Variants in NBEA observed in about 807,000 individuals in gnomAD.
NBEA encodes lysosomal-trafficking regulator 2.
A neutral mutation model predicts 343.4 loss-of-function variants in NBEA; 44 were observed. The observed-to-expected ratio is 0.13, with a 90% CI of 0.10 to 0.16. The LOEUF (loss-of-function observed/expected upper bound fraction) is 0.16. Among genes scored for constraint, NBEA ranks in the 10% least tolerant of loss-of-function variants. The probability of loss-of-function intolerance (pLI) is 1.00; values close to 1 mark genes in which losing one functional copy is unlikely to be tolerated. For missense variants in NBEA, 2,555 were observed against 3,631.3 expected, an observed-to-expected ratio of 0.70 and a Z score of 7.62; for synonymous variants, 1,175 against 1,238.7, an observed-to-expected ratio of 0.95 and a Z score of 1.08.
At chr13:35,577,903 C>T (rs2080823189) in intron 45 of NBEA, among the ~76,000 whole-genome samples, 1 of 151,928 alleles carries the variant, frequency 6.6e-6, no homozygotes, top group South Asian at 2.1e-4. Context: ...AAAGGGAGCC[C>T]GGGAATTTAC....
intron 48 of NBEA, among the ~76,000 whole-genome samples, chr13:35,622,434 T>C (rs1023263134): frequency 6.6e-5 from 10 of 152,066 alleles, no homozygotes; most frequent in African/African-American, 2.4e-4. Flanking sequence ...TCAGAAGAAG[T>C]TTGAAGTATG....
At chr13:34,965,695 T>C (rs1419468644) in intron 1 of NBEA, among the ~76,000 whole-genome samples, 1 of 151,986 alleles carries the variant, frequency 6.6e-6, no homozygotes, top group East Asian at 1.9e-4. Flanking sequence ...GTCACATGGT[T>C]GGCAAATGCA....
rs374328478 is a variant in NBEA, at chr13:35,665,087, G to A, written c.8365G>A (p.Asp2789Asn). Reference protein sequence around the residue: ...HIIGDNPNSSDYPAPRAVLTG... With the variant: ...HIIGDNPNSSNYPAPRAVLTG... ...TCACTGCTGCTGTTTTCTTGCAGGTGACTATCCGGCACCAAGAGCCGTCCT... is the reference window on the plus strand; with the variant it reads ...TCACTGCTGCTGTTTTCTTGCAGGTAACTATCCGGCACCAAGAGCCGTCCT... Residue 2789 changes from aspartate to asparagine, a missense_variant and splice_region_variant, in exon 56 of 59, where the codon GAC becomes AAC. Around this residue, in one of 21 missense-constraint regions of NBEA, gnomAD observed 186 missense variants for 328.9 expected, o/e 0.57. Coordinates refer to ENST00000379939, the MANE Select transcript of NBEA (RefSeq NM_001385012.1). The A allele has an allele frequency of 5.7e-6, 9 of 1,566,894 alleles. No homozygotes were observed. The highest frequency in any genetic ancestry group is 2.7e-5 in the African/African-American group (2 of 74,068).
chr13:35,302,086 G>T (rs767566603), intron 35 of NBEA, among the ~76,000 whole-genome samples: 1 of 152,146 alleles, frequency 6.6e-6, no homozygotes, highest in Non-Finnish European at 1.5e-5. Context: ...AAACTGTAAC[G>T]CATGCCAACC....
Position 35,182,546 on chromosome 13 carries a change from A to G in NBEA, c.4831+18A>G, listed in dbSNP as rs777253008. 5.7e-6 allele frequency: 9 copies of G among 1,585,678 alleles called. No homozygotes were observed. Among genetic ancestry groups the G allele is most frequent in the African/African-American group, 1.4e-5 (1 of 73,390 alleles). On this transcript the variant is annotated intron_variant, in intron 29 of 58. Transcript: ENST00000379939. The stretch of plus-strand genomic sequence containing the variant: ...AAGTACAGGTACTTAACATTGTATA[A>G]TTATTTGAATTTTCACCATGATGTA...
chr13:35,581,854 G>T (rs2081057737), intron 45 of NBEA, among the ~76,000 whole-genome samples: 1 of 138,934 alleles, frequency 7.2e-6, no homozygotes, highest in Admixed American at 7.7e-5. Context: ...TGCACAATGT[G>T]CACATGTACC....
intron 2 of NBEA, among the ~76,000 whole-genome samples, chr13:35,044,603 G>GGTGTGT (rs3045194): frequency 0.047 from 6,736 of 142,540 alleles, 201 homozygotes; most frequent in Non-Finnish European, 0.062. Flanking sequence ...GCTGTGTTGT[G>GGTGTGT]GTGTGTGTGT....
At chr13:35,614,404 G>A (rs1252138533) in intron 48 of NBEA, among the ~76,000 whole-genome samples, 1 of 152,120 alleles carries the variant, frequency 6.6e-6, no homozygotes, top group Non-Finnish European at 1.5e-5. Flanking sequence ...TCTTCAGGTT[G>A]TCAGCTATCA....
intron 18 of NBEA, among the ~76,000 whole-genome samples, chr13:35,155,081 G>A (rs1445292018): frequency 7.5e-6 from 1 of 134,058 alleles, no homozygotes; most frequent in East Asian, 2.5e-4. Flanking sequence ...AATGAGCCAT[G>A]ATTGTGCCGC....
intron 38 of NBEA, among the ~76,000 whole-genome samples, chr13:35,420,194 T>G (rs888559338): frequency 1.3e-5 from 2 of 152,112 alleles, no homozygotes; most frequent in Non-Finnish European, 2.9e-5. Flanking sequence ...CATCTTTGCC[T>G]TATTCCCAGT....
intron 35 of NBEA, among the ~76,000 whole-genome samples, chr13:35,300,583 T>C (rs1293958572): frequency 1.3e-5 from 2 of 152,298 alleles, no homozygotes; most frequent in Non-Finnish European, 2.9e-5. Flanking sequence ...TTTCAGAGTT[T>C]TAAAACTATT....
chr13:35,016,863 G>A (rs1029359294), intron 1 of NBEA, among the ~76,000 whole-genome samples: 2 of 152,098 alleles, frequency 1.3e-5, no homozygotes, highest in Admixed American at 1.3e-4. Flanking sequence ...TGAGCAAAAG[G>A]CCTGGGAGTT....
intron 17 of NBEA, among the ~76,000 whole-genome samples, chr13:35,130,283 G>C (rs2067345399): frequency 6.6e-6 from 1 of 152,000 alleles, no homozygotes; most frequent in African/African-American, 2.4e-5. Context: ...AAATTATAAA[G>C]TGTTCACTTG....
chr13:35,012,359 C>T (rs2061515796), intron 1 of NBEA, among the ~76,000 whole-genome samples: 2 of 152,192 alleles, frequency 1.3e-5, no homozygotes, highest in Non-Finnish European at 2.9e-5. Context: ...TGGCATTAAT[C>T]AACTCGCTCC....
Position 35,211,134 on chromosome 13 carries a change from T to C in NBEA, c.5603T>C (p.Val1868Ala). The change falls in exon 33 of 59, where the codon GTA becomes GCA. Residue 1868 changes from valine (V) to alanine (A), a missense_variant. Coordinates refer to ENST00000379939, the MANE Select transcript of NBEA (RefSeq NM_001385012.1). ...GCTACTAGCAAAAACCTTCCAGCTGTACAAACTGTTGCTCCAATGCCAGAA... is the reference window on the plus strand; with the variant it reads ...GCTACTAGCAAAAACCTTCCAGCTGCACAAACTGTTGCTCCAATGCCAGAA... ...NGATSKNLPA[V>A]QTVAPMPEDS... 1 of 1,553,558 alleles carries C rather than the reference T, an allele frequency of 6.4e-7. No individual in the cohort carries two copies. The highest frequency in any genetic ancestry group is 8.7e-7 in the Non-Finnish European group (1 of 1,147,500).
intron 44 of NBEA, among the ~76,000 whole-genome samples, chr13:35,557,972 A>G (rs1481011532): frequency 6.6e-6 from 1 of 152,186 alleles, no homozygotes. Flanking sequence ...GCCAGATTAT[A>G]AAGAGGCTTT....
intron 38 of NBEA, among the ~76,000 whole-genome samples, chr13:35,380,222 AT>A (rs2152891304): frequency 1.5e-5 from 1 of 67,056 alleles, no homozygotes; most frequent in East Asian, 5.7e-4. Flanking sequence ...AGGCAGGTGA[AT>A]CACCTGAGGT....
Position 35,655,613 on chromosome 13 carries a change from T to C in NBEA, c.8226T>C (p.Asp2742=), listed in dbSNP as rs771244130. Residue 2742 remains aspartate (D), a synonymous_variant, in exon 55 of 59, where the codon GAT becomes GAC. Coordinates refer to ENST00000379939, the MANE Select transcript of NBEA (RefSeq NM_001385012.1). ...KLTQIVFGHW[D]VVTCLARSES... is the part of the protein sequence containing the mutation. Reference sequence around the variant, plus strand: ...CTCAGATTGTATTTGGCCATTGGGATGTGGTCACTTGCTTGGCCAGGTCCG... The same window carrying C: ...CTCAGATTGTATTTGGCCATTGGGACGTGGTCACTTGCTTGGCCAGGTCCG... The C allele has an allele frequency of 6.2e-7, 1 of 1,613,894 alleles. No individual in the cohort carries two copies. The highest frequency in any genetic ancestry group is 8.5e-7 in the Non-Finnish European group (1 of 1,179,860).
chr13:35,125,843 T>TGC (rs2067102369), intron 17 of NBEA, among the ~76,000 whole-genome samples: 1 of 152,132 alleles, frequency 6.6e-6, no homozygotes, highest in Non-Finnish European at 1.5e-5. Flanking sequence ...CATACATACA[T>TGC]ACATACATAC....
Sources: allele counts gnomAD v4.1 joint callset (sites outside exome capture counted in the v4.1 genomes callset), GRCh38; gene constraint gnomAD v4.1.1; regional missense constraint gnomAD v4.1.1; transcripts MANE v1.5; gene names NCBI Gene and HGNC (gene_info 2026-07-23, HGNC 2026-07-21).